ZFP42: variants seen among roughly 807,000 people sequenced by gnomAD.
The protein encoded by ZFP42 is ZFP42 zinc finger protein.
For synonymous variants in ZFP42, 175 were observed against 144.6 expected, an observed-to-expected ratio of 1.21 and a Z score of -1.51; for missense variants, 438 against 377.1, an observed-to-expected ratio of 1.16 and a Z score of -1.34.
chr4:188,003,992 G>T lies in ZFP42; in HGVS notation c.*252G>T. The T allele has an allele frequency of 2.7e-6, 1 of 374,690 alleles. No individual in the cohort carries two copies. Among genetic ancestry groups the T allele is most frequent in the Non-Finnish European group, 5.0e-6 (1 of 200,598 alleles). 23.2% of individuals were successfully genotyped at this position (374,690 alleles called of 1,614,324 possible). A position where few individuals can be genotyped will look rare whatever the true frequency, so the allele number is the denominator to read the frequency against. On this transcript the variant is annotated 3_prime_UTR_variant, in exon 4 of 4. Transcript: ENST00000326866. ...TTAGAACTTTGTGTGTTCTTAAAGT[G>T]TGCTTCCAACAGGAAGGTCAGTGAT... is the stretch of plus-strand genomic sequence containing the variant.
chr4:187,996,586 A>G (rs1193805674), intron 1 of ZFP42, among the ~76,000 whole-genome samples: 1 of 152,078 alleles, frequency 6.6e-6, no homozygotes, highest in Non-Finnish European at 1.5e-5. Flanking sequence ...CTGAGATTAC[A>G]GGCGTGAGCC....
Sources: gnomAD v4.1 joint callset for allele counts (sites outside exome capture counted in the v4.1 genomes callset) on GRCh38, gnomAD v4.1.1 for gene constraint, MANE v1.5 for transcripts, NCBI Gene and HGNC (gene_info 2026-07-23, HGNC 2026-07-21) for gene names.